The following BRD10 variants were observed in gnomAD, a reference collection of about 807,000 sequenced individuals.
BRD10 encodes the protein uncharacterized bromodomain-containing protein 10.
At chr9:5,879,297 T>G in the BRD10 span, among the ~76,000 whole-genome samples, 8 of 151,378 alleles carry the variant, frequency 5.3e-5, no homozygotes, top group Admixed American at 1.3e-4. Flanking sequence ...ACCCCATCTC[T>G]ACTAAAAATA....
At chr9:5,992,100 C>T in the BRD10 span, among the ~76,000 whole-genome samples, 86,783 of 152,018 alleles carry the variant, frequency 0.57, 26,293 homozygotes, top group Non-Finnish European at 0.7. Context: ...AAACGATACC[C>T]TATCACTCTC....
At chr9:5,934,348 T>G in the BRD10 span, among the ~76,000 whole-genome samples, 1 of 148,214 alleles carries the variant, frequency 6.7e-6, no homozygotes, top group Non-Finnish European at 1.5e-5. Flanking sequence ...TATCAATATA[T>G]TACGCTTTTC....
chr9:5,941,633 A>C, the BRD10 span, among the ~76,000 whole-genome samples: 17 of 152,316 alleles, frequency 1.1e-4, no homozygotes, highest in Non-Finnish European at 1.9e-4. Context: ...CATAAACAAA[A>C]TTAGTTGCTT....
the BRD10 span, among the ~76,000 whole-genome samples, chr9:5,966,157 C>T: frequency 6.6e-6 from 1 of 152,218 alleles, no homozygotes; most frequent in Admixed American, 6.5e-5. Flanking sequence ...GCATGTAAGT[C>T]TTCTCTCCTC....
chr9:5,922,552 A>G, the BRD10 span: 11 of 1,613,996 alleles, frequency 6.8e-6, no homozygotes, highest in South Asian at 1.2e-4. Flanking sequence ...CTGATGCTAA[A>G]GAAGAATTTA....
chr9:5,915,951 T>C, the BRD10 span, among the ~76,000 whole-genome samples: 1 of 152,224 alleles, frequency 6.6e-6, no homozygotes, highest in Non-Finnish European at 1.5e-5. Context: ...ATCATTTGAT[T>C]CTCTAATACT....
the BRD10 span, among the ~76,000 whole-genome samples, chr9:5,986,159 TTC>T: frequency 2.0e-5 from 3 of 152,166 alleles, no homozygotes; most frequent in Admixed American, 6.5e-5. Context: ...GTGTGTGTTG[TTC>T]CCCTCCCTGT....
At chr9:5,997,469 A>G in the BRD10 span, among the ~76,000 whole-genome samples, 4 of 151,786 alleles carry the variant, frequency 2.6e-5, no homozygotes, top group Non-Finnish European at 5.9e-5. Flanking sequence ...GACTCACTCT[A>G]CCAAATATAT....
At chr9:5,972,880 T>C in the BRD10 span, among the ~76,000 whole-genome samples, 2 of 152,064 alleles carry the variant, frequency 1.3e-5, no homozygotes, top group Non-Finnish European at 2.9e-5. Flanking sequence ...TTTAATATAC[T>C]CAGAAAATAA....
chr9:5,920,524 G>A, the BRD10 span: 6 of 1,613,842 alleles, frequency 3.7e-6, no homozygotes, highest in Admixed American at 3.3e-5. Context: ...AAGCAAAATT[G>A]GACGTATTAG....
the BRD10 span, among the ~76,000 whole-genome samples, chr9:5,883,462 CT>C: frequency 4.1e-4 from 42 of 102,372 alleles, no homozygotes; most frequent in East Asian, 4.0e-3. Context: ...CCTTCTTCTT[CT>C]TTTTTTTTTT....
chr9:5,888,865 GTCTTA>G, the BRD10 span, among the ~76,000 whole-genome samples: 27 of 152,298 alleles, frequency 1.8e-4, no homozygotes, highest in African/African-American at 6.5e-4. Context: ...TTGAAATGTT[GTCTTA>G]TCTTATTCTA....
the BRD10 span, among the ~76,000 whole-genome samples, chr9:5,941,715 A>C: frequency 6.6e-6 from 1 of 152,216 alleles, no homozygotes; most frequent in Non-Finnish European, 1.5e-5. Context: ...TCAATGACAC[A>C]ACCTCTAAAA....
At chr9:5,957,059 T>C in the BRD10 span, among the ~76,000 whole-genome samples, 4 of 152,134 alleles carry the variant, frequency 2.6e-5, no homozygotes, top group African/African-American at 9.7e-5. Context: ...CGATTTTAAA[T>C]AATTTAAACA....
the BRD10 span, among the ~76,000 whole-genome samples, chr9:5,901,430 T>G: frequency 6.6e-6 from 1 of 152,254 alleles, no homozygotes; most frequent in African/African-American, 2.4e-5. Context: ...GAATGGGTGT[T>G]TGATTTTGTC....
the BRD10 span, among the ~76,000 whole-genome samples, chr9:5,995,934 C>T: frequency 6.6e-6 from 1 of 152,048 alleles, no homozygotes; most frequent in Admixed American, 6.5e-5. Flanking sequence ...ACAATGATAA[C>T]ACCACTGACA....
At chr9:5,988,521 T>C in the BRD10 span, 7 of 1,613,842 alleles carry the variant, frequency 4.3e-6, no homozygotes, top group South Asian at 4.4e-5. Flanking sequence ...ATGTAACTGC[T>C]ATCGTTGTCT....
chr9:5,982,097 T>C, the BRD10 span, among the ~76,000 whole-genome samples: 3 of 152,018 alleles, frequency 2.0e-5, no homozygotes, highest in Non-Finnish European at 4.4e-5. Context: ...TATATGAAGG[T>C]TAAAGACATG....
At chr9:6,007,468 C>A in the BRD10 span, 2 of 1,609,720 alleles carry the variant, frequency 1.2e-6, no homozygotes, top group Non-Finnish European at 1.7e-6. Context: ...GGTGGCAACG[C>A]CCCCCAAGGG....
Sources: gnomAD v4.1 joint callset for allele counts (sites outside exome capture counted in the v4.1 genomes callset) on GRCh38, gnomAD v4.1.1 for gene constraint, MANE v1.5 for transcripts, NCBI Gene and HGNC (gene_info 2026-07-23, HGNC 2026-07-21) for gene names.